SNRNP27: variants seen among roughly 807,000 people sequenced by gnomAD.
SNRNP27 encodes U4/U6.U5 small nuclear ribonucleoprotein 27 kDa protein.
In SNRNP27, 22 loss-of-function variants were observed where a neutral mutation model predicts 25.1. The observed-to-expected ratio is 0.88, with a 90% confidence interval of 0.63 to 1.25. The LOEUF is 1.25. SNRNP27 is among the 50% of genes most tolerant of loss of function. The probability of loss-of-function intolerance (pLI) is 0.00; values close to 1 mark genes in which losing one functional copy is unlikely to be tolerated. For synonymous variants in SNRNP27, 66 were observed against 64.9 expected, an observed-to-expected ratio of 1.02 and a Z score of -0.08; for missense variants, 150 against 202.3, an observed-to-expected ratio of 0.74 and a Z score of 1.57.
chr2:69,903,341 G>T, intron 5 of SNRNP27, 96 bp downstream of exon 5: 1 of 890,850 alleles, frequency 1.1e-6, no homozygotes, highest in South Asian at 1.4e-5. Flanking sequence ...AAATGTAGCA[G>T]TTTTCCATAC....
At chr2:69,903,887 A>C (rs568256187) in intron 5 of SNRNP27, among the ~76,000 whole-genome samples, 1 of 152,290 alleles carries the variant, frequency 6.6e-6, no homozygotes, top group East Asian at 1.9e-4. Context: ...TACAGTGTGC[A>C]ATTGAATTTG....
At chr2:69,900,901 G>C (rs926266201) in intron 4 of SNRNP27, among the ~76,000 whole-genome samples, 10 of 152,132 alleles carry the variant, frequency 6.6e-5, no homozygotes, top group African/African-American at 2.2e-4. Context: ...ACTGGGCTGG[G>C]TGCAGTGGCT....
chr2:69,895,439 C>T (rs978997817), intron 2 of SNRNP27, among the ~76,000 whole-genome samples: 3 of 152,204 alleles, frequency 2.0e-5, no homozygotes, highest in African/African-American at 7.2e-5. Context: ...AGAAATAATG[C>T]ATGCAAACCC....
intron 3 of SNRNP27, 77 bp downstream of exon 3, chr2:69,896,625 A>G: frequency 7.2e-7 from 1 of 1,394,852 alleles, no homozygotes; most frequent in Middle Eastern, 1.8e-4. Flanking sequence ...TGAACATTTA[A>G]ATGTTAAGCC....
chr2:69,897,696 GGAA>G (rs747300635), intron 4 of SNRNP27: 1 of 428,236 alleles, frequency 2.3e-6, no homozygotes, highest in Non-Finnish European at 4.2e-6. Context: ...ACAAAGAAGA[GGAA>G]GAAGATTATT....
At chr2:69,897,763 T>C (rs1573389024) in intron 4 of SNRNP27, 2 of 236,832 alleles carry the variant, frequency 8.4e-6, no homozygotes, top group Non-Finnish European at 1.6e-5. Context: ...AGGAGCATAG[T>C]GTATTGTGGG....
intron 2 of SNRNP27, 104 bp from the exon 3 acceptor site, chr2:69,896,332 G>A: frequency 2.7e-6 from 3 of 1,093,578 alleles, no homozygotes; most frequent in Non-Finnish European, 4.0e-6. Context: ...TTGCTATACG[G>A]AATGACTCGT....
At position 69,896,488 on chromosome 2, in the gene SNRNP27, A is replaced by G; in HGVS notation, c.208A>G (p.Arg70Gly). Residue 70 changes from arginine to glycine, a missense_variant, in exon 3 of 6, where the codon AGA (arginine) becomes GGA (glycine). Arg to Gly is a moderately radical substitution (Grantham distance 125, BLOSUM62 -2). Coordinates refer to ENST00000244227, the MANE Select transcript of SNRNP27 (RefSeq NM_006857.3). ...TCCTTCCCCTTCTCGACTGAAAGAA[A>G]GAAGAGATGAGGAAAAGAAAGAAAC... Reference protein sequence around the residue: ...TSPSPSRLKERRDEEKKETKE... With the variant: ...TSPSPSRLKEGRDEEKKETKE... The G allele has an allele frequency of 6.2e-7, 1 of 1,610,728 alleles. No individual in the cohort carries two copies. The highest frequency in any genetic ancestry group is 8.5e-7 in the Non-Finnish European group (1 of 1,178,012).
At chr2:69,902,938 CTTTTTTTTTTT>C (rs761833954) in intron 4 of SNRNP27, among the ~76,000 whole-genome samples, 14 of 92,412 alleles carry the variant, frequency 1.5e-4, no homozygotes, top group East Asian at 3.4e-4. Flanking sequence ...TCTTCTTCTT[CTTTTTTTTTTT>C]TTTTTTTTTT....
chr2:69,896,469 C>A lies in SNRNP27; in HGVS notation c.189C>A (p.Ser63=), dbSNP rs1441037769. 6.2e-7 allele frequency: 1 copy of A among 1,611,576 alleles called. No homozygotes were observed. Among genetic ancestry groups the A allele is most frequent in the African/African-American group, 1.3e-5 (1 of 74,774 alleles). The stretch of plus-strand genomic sequence containing the variant: ...GACGACATAGATCCACATCTCCTTC[C>A]CCTTCTCGACTGAAAGAAAGAAGAG... ...SPRRHRSTSP[S]PSRLKERRDE... The change falls in exon 3 of 6, where the codon TCC becomes TCA. Residue 63 remains serine, a synonymous_variant. Transcript: ENST00000244227.
chr2:69,902,888 T>C (rs918872033), intron 4 of SNRNP27, among the ~76,000 whole-genome samples: 3 of 144,254 alleles, frequency 2.1e-5, no homozygotes, highest in Admixed American at 6.9e-5. Context: ...GCTTCTCCCC[T>C]ACTTCCCTCT....
At chr2:69,902,348 C>T (rs1279286365) in intron 4 of SNRNP27, among the ~76,000 whole-genome samples, 2 of 151,628 alleles carry the variant, frequency 1.3e-5, no homozygotes, top group East Asian at 1.9e-4. Flanking sequence ...GCTGCTGCTG[C>T]TCTTGCTGCT....
intron 4 of SNRNP27, among the ~76,000 whole-genome samples, chr2:69,901,060 G>C (rs537215075): frequency 6.6e-6 from 1 of 152,118 alleles, no homozygotes; most frequent in South Asian, 2.1e-4. Flanking sequence ...TGTAGTCCCA[G>C]CTATTCGATA....
chr2:69,903,354 TTCC>T, intron 5 of SNRNP27, 109 bp downstream of exon 5: 1 of 812,710 alleles, frequency 1.2e-6, no homozygotes, highest in Non-Finnish European at 2.1e-6. Flanking sequence ...TTCCATACTG[TTCC>T]TTGTTTGAAT....
intron 1 of SNRNP27, among the ~76,000 whole-genome samples, chr2:69,894,787 T>G (rs573528154): frequency 4.6e-5 from 7 of 152,242 alleles, no homozygotes; most frequent in Non-Finnish European, 7.4e-5. Flanking sequence ...GTTCAAGCGA[T>G]TCTCATGCCT....
At chr2:69,896,591 G>T (rs1676605958) in intron 3 of SNRNP27, 43 bp downstream of exon 3, 5 of 1,497,270 alleles carry the variant, frequency 3.3e-6, no homozygotes, top group East Asian at 2.4e-5. Context: ...GTACAGTGAT[G>T]ATAAAATTAT....
At position 69,901,183 on chromosome 2, in the gene SNRNP27, AAG is replaced by A. The variant is rs531480457; in HGVS notation, c.349-1996_349-1995del. Reference sequence around the variant, plus strand: ...GCAAGTCTCCATTTCAAAAAAAAAAAAGAAAGAAAGAAAGAAATAGAGGGTAC... The same window carrying A: ...GCAAGTCTCCATTTCAAAAAAAAAAAAAAGAAAGAAAGAAATAGAGGGTAC... On this transcript the variant is annotated intron_variant, in intron 4 of 5. Transcript: ENST00000244227. Among the ~76,000 whole-genome samples the A allele has an allele frequency of 1.5e-4, 22 of 149,448 alleles. 1 individual carries two copies. Among genetic ancestry groups the A allele is most frequent in the South Asian group, 2.1e-4 (1 of 4,786 alleles).
At chr2:69,895,951 G>C (rs999852012) in intron 2 of SNRNP27, among the ~76,000 whole-genome samples, 7 of 149,718 alleles carry the variant, frequency 4.7e-5, no homozygotes, top group Non-Finnish European at 8.9e-5. Flanking sequence ...TTAGAAATGG[G>C]CTCTGAGTCT....
chr2:69,902,814 C>T (rs1676729024), intron 4 of SNRNP27, among the ~76,000 whole-genome samples: 1 of 152,002 alleles, frequency 6.6e-6, no homozygotes, highest in Non-Finnish European at 1.5e-5. Flanking sequence ...GCTTCTTCCC[C>T]TTCCGCTGCT....
Sources: allele counts gnomAD v4.1 joint callset (sites outside exome capture counted in the v4.1 genomes callset), GRCh38; gene constraint gnomAD v4.1.1; transcripts MANE v1.5; gene names NCBI Gene and HGNC (gene_info 2026-07-23, HGNC 2026-07-21).